PTPRT: variants seen among roughly 807,000 people sequenced by gnomAD.
The protein encoded by PTPRT is receptor-type tyrosine-protein phosphatase T.
Under a neutral mutation model 176.8 loss-of-function variants are expected in PTPRT, and 56 were observed. That is an observed-to-expected ratio of 0.32 (90% CI 0.26 to 0.40). The LOEUF is 0.40. Ranked by LOEUF, PTPRT falls within the 10% of genes least tolerant of loss-of-function variation. The pLI, the probability that PTPRT is intolerant of heterozygous loss-of-function variation, is 1.00. For missense variants in PTPRT, 1,540 were observed against 1,908.2 expected, an observed-to-expected ratio of 0.81 and a Z score of 3.60; for synonymous variants, 783 against 739.0, an observed-to-expected ratio of 1.06 and a Z score of -0.96.
intron 7 of PTPRT, among the ~76,000 whole-genome samples, chr20:42,567,814 G>T (rs574551697): frequency 6.6e-5 from 10 of 152,120 alleles, no homozygotes; most frequent in Non-Finnish European, 1.3e-4. Context: ...TTTTCCTGGT[G>T]GCCTGGAGTG....
chr20:42,618,525 A>G lies in PTPRT; in HGVS notation c.1153+59341T>C, dbSNP rs2074124562. Among the ~76,000 whole-genome samples, 3 of 133,988 alleles carry G rather than the reference A, an allele frequency of 2.2e-5. 1 individual carries two copies. The highest frequency in any genetic ancestry group is 6.8e-5 in the African/African-American group (2 of 29,512). 87.9% of individuals were successfully genotyped at this position (133,988 alleles called of 152,430 possible). On this transcript the variant is annotated intron_variant, in intron 7 of 30. Transcript: ENST00000373187. ...GACTTTCTGTCCGTTGATCTGTCTA[A>G]TGTTGACAGGGGGGTGTTAAAGTCT...
intron 7 of PTPRT, among the ~76,000 whole-genome samples, chr20:42,576,565 G>A (rs1396750796): frequency 6.6e-6 from 1 of 152,100 alleles, no homozygotes; most frequent in East Asian, 1.9e-4. Flanking sequence ...CTGGGGCTTT[G>A]CCTGCCCTGG....
chr20:42,305,599 ATGTGTGTGCACG>A (rs2057534832), intron 12 of PTPRT, among the ~76,000 whole-genome samples: 1 of 150,502 alleles, frequency 6.6e-6, no homozygotes, highest in Non-Finnish European at 1.5e-5. Flanking sequence ...CAGTTTTAAC[ATGTGTGTGCACG>A]TGTGTGTGTG....
the PTPRT span, among the ~76,000 whole-genome samples, chr20:42,058,979 G>C: frequency 2.0e-5 from 3 of 152,188 alleles, no homozygotes; most frequent in Admixed American, 6.5e-5. Flanking sequence ...AGAATCACCT[G>C]GGGAGGGGTT....
At chr20:42,743,070 G>A (rs751588824) in intron 6 of PTPRT, among the ~76,000 whole-genome samples, 2 of 152,128 alleles carry the variant, frequency 1.3e-5, no homozygotes, top group Non-Finnish European at 2.9e-5. Context: ...ACATTTTGCC[G>A]CTGATTAACT....
At chr20:43,181,836 G>A (rs140239174) in intron 1 of PTPRT, among the ~76,000 whole-genome samples, 213 of 152,174 alleles carry the variant, frequency 1.4e-3, no homozygotes, top group African/African-American at 5.0e-3. Context: ...AAACCAAGAC[G>A]TGGGCCTGAA....
At chr20:42,832,293 A>G (rs1314554567) in intron 2 of PTPRT, among the ~76,000 whole-genome samples, 2 of 152,192 alleles carry the variant, frequency 1.3e-5, no homozygotes, top group Non-Finnish European at 2.9e-5. Flanking sequence ...CTCACTTATA[A>G]GTGGGAGCTA....
At position 43,114,342 on chromosome 20, in the gene PTPRT, C is replaced by T. The variant is rs77224264; in HGVS notation, c.88+75304G>A. 1.8e-3 allele frequency among the ~76,000 whole-genome samples: 280 copies of T among 152,264 alleles called. 2 individuals carry two copies. The highest frequency in any genetic ancestry group is 6.4e-3 in the African/African-American group (265 of 41,562). On this transcript the variant is annotated intron_variant, in intron 1 of 30. Transcript: ENST00000373187. ...ACTGCCTGCGTACAAATCTCAGCTC[C>T]GCACTTACTTAGCTGTGTGCCTTTG...
intron 5 of PTPRT, among the ~76,000 whole-genome samples, chr20:42,757,721 G>C (rs1033686896): frequency 7.9e-5 from 12 of 152,310 alleles, no homozygotes; most frequent in Non-Finnish European, 1.6e-4. Context: ...CAAGTTGGTA[G>C]ACATCTCTAG....
At chr20:42,906,928 CA>C (rs1307567173) in intron 1 of PTPRT, among the ~76,000 whole-genome samples, 4 of 152,036 alleles carry the variant, frequency 2.6e-5, no homozygotes, top group Admixed American at 2.6e-4. Context: ...GTGTTTCCTC[CA>C]TACTGTCAAC....
At chr20:42,305,611 G>A (rs759370700) in intron 12 of PTPRT, among the ~76,000 whole-genome samples, 10 of 151,908 alleles carry the variant, frequency 6.6e-5, no homozygotes, top group Non-Finnish European at 1.2e-4. Context: ...GTGTGTGCAC[G>A]TGTGTGTGTG....
chr20:42,767,282 T>C (rs2076996001), intron 5 of PTPRT, among the ~76,000 whole-genome samples: 1 of 152,166 alleles, frequency 6.6e-6, no homozygotes, highest in South Asian at 2.1e-4. Context: ...ATCAGTGGAC[T>C]CAGTAAAGTG....
chr20:42,971,982 A>G (rs1436481087), intron 1 of PTPRT, among the ~76,000 whole-genome samples: 1 of 151,910 alleles, frequency 6.6e-6, no homozygotes, highest in Non-Finnish European at 1.5e-5. Flanking sequence ...CAATTTAACA[A>G]TAAGCGAATA....
intron 2 of PTPRT, among the ~76,000 whole-genome samples, chr20:42,880,880 T>C (rs946622281): frequency 1.3e-5 from 2 of 152,234 alleles, no homozygotes; most frequent in Non-Finnish European, 2.9e-5. Context: ...TTGCCATTAC[T>C]TTCAATGGCA....
At chr20:42,386,407 T>A (rs371962347) in intron 9 of PTPRT, among the ~76,000 whole-genome samples, 15 of 152,208 alleles carry the variant, frequency 9.9e-5, no homozygotes, top group Admixed American at 3.3e-4. Flanking sequence ...AATTTGAAGA[T>A]CCTCTGGAGG....
intron 6 of PTPRT, among the ~76,000 whole-genome samples, chr20:42,679,289 T>C (rs1487672153): frequency 1.3e-5 from 2 of 149,198 alleles, no homozygotes; most frequent in African/African-American, 5.2e-5. Flanking sequence ...TCACCTTAAC[T>C]TTAATGGGGA....
At chr20:42,800,327 C>G (rs1437491422) in intron 2 of PTPRT, among the ~76,000 whole-genome samples, 1 of 152,178 alleles carries the variant, frequency 6.6e-6, no homozygotes, top group Non-Finnish European at 1.5e-5. Context: ...CATCAACTCC[C>G]TGGAGTTAGC....
At chr20:42,110,647 C>CAGTT (rs916642456) in intron 22 of PTPRT, among the ~76,000 whole-genome samples, 160 bp from the exon 23 acceptor site, 5 of 152,194 alleles carry the variant, frequency 3.3e-5, no homozygotes, top group African/African-American at 9.7e-5. Context: ...ATTCTGTAAT[C>CAGTT]AGTTACATTT....
At chr20:42,681,335 C>T (rs1348679451) in intron 6 of PTPRT, among the ~76,000 whole-genome samples, 2 of 152,152 alleles carry the variant, frequency 1.3e-5, no homozygotes, top group African/African-American at 4.8e-5. Context: ...AAATTTAATG[C>T]AGCCAAGTAA....
Sources: gnomAD v4.1 joint callset for allele counts (sites outside exome capture counted in the v4.1 genomes callset) on GRCh38, gnomAD v4.1.1 for gene constraint, MANE v1.5 for transcripts, NCBI Gene and HGNC (gene_info 2026-07-23, HGNC 2026-07-21) for gene names.